AKAP10: variants seen among roughly 807,000 people sequenced by gnomAD.
AKAP10 encodes A-kinase anchor protein 10, mitochondrial.
A neutral mutation model predicts 80.8 loss-of-function variants in AKAP10; 24 were observed. The observed-to-expected ratio is 0.30, with a 90% CI of 0.22 to 0.42. The LOEUF (loss-of-function observed/expected upper bound fraction) is 0.42, where lower values mean the gene tolerates loss of function less well. Among genes scored for constraint, AKAP10 ranks in the 10% least tolerant of loss-of-function variants. The pLI is 1.00. For missense variants in AKAP10, 661 were observed against 794.9 expected, an observed-to-expected ratio of 0.83 and a Z score of 2.03; for synonymous variants, 291 against 277.7, an observed-to-expected ratio of 1.05 and a Z score of -0.48.
At chr17:19,970,040 G>A (rs558636890) in intron 1 of AKAP10, among the ~76,000 whole-genome samples, 3 of 152,090 alleles carry the variant, frequency 2.0e-5, no homozygotes, top group Non-Finnish European at 2.9e-5. Flanking sequence ...CCATAGATAC[G>A]CTGTTACTCC....
chr17:19,948,998 T>C (rs1423052031), intron 4 of AKAP10, among the ~76,000 whole-genome samples: 1 of 152,174 alleles, frequency 6.6e-6, no homozygotes, highest in Non-Finnish European at 1.5e-5. Flanking sequence ...TTCAGAATCA[T>C]GTAACGTAAG....
Position 19,932,794 on chromosome 17 carries a change from G to GT in AKAP10, c.1468-817dup, listed in dbSNP as rs565011747. Among the ~76,000 whole-genome samples, 675 of 147,258 alleles carry GT rather than the reference G, an allele frequency of 4.6e-3. 3 individuals carry two copies. The highest frequency in any genetic ancestry group is 6.5e-3 in the Non-Finnish European group (436 of 66,594). On this transcript the variant is annotated intron_variant, in intron 9 of 14. Transcript: ENST00000225737. ...ATATCAAAATATCTGTTTCCACATT[G>GT]TTTTTTTTTCAAATAATTCTTAAAT...
Position 19,958,460 on chromosome 17 carries a change from T to G in AKAP10, c.431A>C (p.Glu144Ala). ...IVLPYFIQFM[E>A]LRRMEHLVKF... is the part of the protein sequence containing the mutation. ...CACCAAATGCTCCATTCGCCGAAGT[T>G]CCATGAATTGAATGAAGTAAGGGAG... The change falls in exon 4 of 15, where the codon GAA (glutamate) becomes GCA (alanine). Residue 144 changes from glutamate (E) to alanine (A), a missense_variant. Physicochemically the swap from Glu to Ala is moderately radical, Grantham distance 107. Transcript: ENST00000225737. 1 of 1,614,146 alleles carries G rather than the reference T, an allele frequency of 6.2e-7. No homozygotes were observed. The highest frequency in any genetic ancestry group is 8.5e-7 in the Non-Finnish European group (1 of 1,180,032).
chr17:19,921,065 C>A (rs2042808463), intron 11 of AKAP10, among the ~76,000 whole-genome samples: 1 of 149,230 alleles, frequency 6.7e-6, no homozygotes, highest in African/African-American at 2.5e-5. Flanking sequence ...AAGAGATGAA[C>A]AGTCAATTCA....
intron 4 of AKAP10, among the ~76,000 whole-genome samples, chr17:19,957,012 A>G (rs1353038095): frequency 6.6e-6 from 1 of 152,162 alleles, no homozygotes; most frequent in Non-Finnish European, 1.5e-5. Context: ...TGAGTGAACT[A>G]AAAGATCTGA....
chr17:19,976,978 A>G (rs1195495546), intron 1 of AKAP10, among the ~76,000 whole-genome samples: 1 of 152,230 alleles, frequency 6.6e-6, no homozygotes. Context: ...TTGGGCAGGT[A>G]ATACAACTGG....
intron 10 of AKAP10, among the ~76,000 whole-genome samples, chr17:19,928,314 C>T (rs2042896153): frequency 6.6e-6 from 1 of 152,054 alleles, no homozygotes; most frequent in African/African-American, 2.4e-5. Context: ...GGCCAATAAG[C>T]AAATGAAAAG....
chr17:19,947,141 C>A (rs2043143165), intron 5 of AKAP10: 18 of 418,604 alleles, frequency 4.3e-5, no homozygotes, highest in South Asian at 4.3e-4. Context: ...TAGCCGCCCG[C>A]CGGCCCGGCT....
At chr17:19,926,472 GA>G (rs933405073) in intron 10 of AKAP10, among the ~76,000 whole-genome samples, 1 of 151,538 alleles carries the variant, frequency 6.6e-6, no homozygotes, top group Non-Finnish European at 1.5e-5. Flanking sequence ...GTTCTAGCCA[GA>G]AAAAAAACTA....
At chr17:19,966,191 G>A (rs1178216431) in intron 2 of AKAP10, among the ~76,000 whole-genome samples, 1 of 152,108 alleles carries the variant, frequency 6.6e-6, no homozygotes, top group Non-Finnish European at 1.5e-5. Context: ...GGTTCTGTTA[G>A]GCAAGCCAGA....
At chr17:19,977,157 A>G (rs2043579543) in intron 1 of AKAP10, among the ~76,000 whole-genome samples, 1 of 152,220 alleles carries the variant, frequency 6.6e-6, no homozygotes, top group Non-Finnish European at 1.5e-5. Flanking sequence ...ATTGGAAGAC[A>G]GCACTGGGTG....
chr17:19,953,340 G>A (rs1354775202), intron 4 of AKAP10, among the ~76,000 whole-genome samples: 5 of 150,210 alleles, frequency 3.3e-5, no homozygotes, highest in African/African-American at 1.2e-4. Flanking sequence ...TCTACTTTAA[G>A]CAACTTGGAG....
At chr17:19,946,258 TATATATATATATA>T (rs2043121904) in intron 5 of AKAP10, among the ~76,000 whole-genome samples, 1 of 24,690 alleles carries the variant, frequency 4.1e-5, no homozygotes, top group Non-Finnish European at 7.4e-5. Flanking sequence ...TATATATATA[TATATATATATATA>T]TATATTTTTT....
At chr17:19,957,560 C>T (rs2043293828) in intron 4 of AKAP10, among the ~76,000 whole-genome samples, 1 of 151,990 alleles carries the variant, frequency 6.6e-6, no homozygotes, top group Admixed American at 6.6e-5. Context: ...ATCATGCCTA[C>T]TACCTGCACA....
At chr17:19,971,963 G>A (rs112471874) in intron 1 of AKAP10, among the ~76,000 whole-genome samples, 10 of 152,090 alleles carry the variant, frequency 6.6e-5, no homozygotes, top group East Asian at 1.9e-4. Context: ...AAACTTAACC[G>A]GGCGTTGTGG....
intron 8 of AKAP10, among the ~76,000 whole-genome samples, chr17:19,937,723 C>T (rs1751419739): frequency 6.6e-6 from 1 of 152,130 alleles, no homozygotes; most frequent in Admixed American, 6.5e-5. Context: ...CATACTGTAC[C>T]AGAATAAACA....
intron 1 of AKAP10, among the ~76,000 whole-genome samples, chr17:19,968,966 C>T (rs1374319268): frequency 6.6e-6 from 1 of 152,150 alleles, no homozygotes; most frequent in African/African-American, 2.4e-5. Context: ...GAAGAAAGGT[C>T]TTTGGTTGTG....
chr17:19,943,841 G>A (rs1191111352), intron 5 of AKAP10, among the ~76,000 whole-genome samples: 1 of 152,194 alleles, frequency 6.6e-6, no homozygotes, highest in Non-Finnish European at 1.5e-5. Flanking sequence ...CAGGTAAACA[G>A]TGTGAGAACT....
At chr17:19,906,507 T>C (rs1199146523) in intron 14 of AKAP10, among the ~76,000 whole-genome samples, 1 of 152,190 alleles carries the variant, frequency 6.6e-6, no homozygotes, top group Non-Finnish European at 1.5e-5. Context: ...CAATAGATAT[T>C]AGAATGAAAA....
Sources: allele counts gnomAD v4.1 joint callset (sites outside exome capture counted in the v4.1 genomes callset), GRCh38; gene constraint gnomAD v4.1.1; transcripts MANE v1.5; gene names NCBI Gene and HGNC (gene_info 2026-07-23, HGNC 2026-07-21).